INSC: variants seen among roughly 807,000 people sequenced by gnomAD.
INSC encodes INSC spindle orientation adaptor protein, also known as protein inscuteable homolog.
Under a neutral mutation model 58.6 loss-of-function variants are expected in INSC, and 67 were observed. The ratio of observed to expected loss-of-function variants is 1.14; its 90% CI spans 0.94 to 1.40. The LOEUF (loss-of-function observed/expected upper bound fraction) is 1.40, where lower values mean the gene tolerates loss of function less well. INSC is among the 40% of genes most tolerant of loss of function. INSC has a pLI of 0.00. For missense variants in INSC, 714 were observed against 692.0 expected, an observed-to-expected ratio of 1.03 and a Z score of -0.36; for synonymous variants, 262 against 276.1, an observed-to-expected ratio of 0.95 and a Z score of 0.51.
intron 7 of INSC, among the ~76,000 whole-genome samples, chr11:15,201,983 T>C (rs549330244): frequency 6.6e-6 from 1 of 152,278 alleles, no homozygotes; most frequent in South Asian, 2.1e-4. Context: ...TTTTACCCTG[T>C]CTCCTTCCAA....
rs769241700 is a variant in INSC, at chr11:15,178,372, C to T, written c.504C>T (p.Cys168=). 201 of 1,613,734 alleles carry T rather than the reference C, an allele frequency of 1.2e-4. 1 individual carries two copies. Among genetic ancestry groups the T allele is most frequent in the African/African-American group, 2.1e-4 (16 of 74,912 alleles). The change falls in exon 5 of 13, where the codon TGC becomes TGT. Residue 168 remains cysteine (C), a synonymous_variant. Transcript: ENST00000379556. ...NEHVLKSMKA[C]VSETLSMLGQ... ...ATGTCCTGAAGTCAATGAAGGCCTG[C>T]GTGAGTGAGACCCTGAGCATGCTGG...
intron 7 of INSC, among the ~76,000 whole-genome samples, chr11:15,205,617 G>A (rs1001151575): frequency 4.6e-5 from 7 of 152,206 alleles, no homozygotes; most frequent in African/African-American, 1.2e-4. Context: ...GCATGTGGGA[G>A]AGGGGCTGGC....
the INSC span, among the ~76,000 whole-genome samples, chr11:15,269,051 T>C: frequency 6.6e-6 from 1 of 152,086 alleles, no homozygotes; most frequent in African/African-American, 2.4e-5. Context: ...GAATTCCTTA[T>C]GATAAAATAT....
chr11:15,146,996 C>T (rs1848508851), intron 1 of INSC, among the ~76,000 whole-genome samples: 1 of 152,142 alleles, frequency 6.6e-6, no homozygotes, highest in Admixed American at 6.5e-5. Context: ...TAGTATTTTC[C>T]TGTCTCCTCT....
chr11:15,128,002 A>AG, intron 1 of INSC, among the ~76,000 whole-genome samples: 1 of 152,276 alleles, frequency 6.6e-6, no homozygotes, highest in East Asian at 1.9e-4. Context: ...CTCAAAAAAA[A>AG]AAAAGTGAAA....
rs890234217 is a variant in INSC, at chr11:15,197,913, G to A, written c.694-2911G>A. 4.6e-5 allele frequency among the ~76,000 whole-genome samples: 7 copies of A among 152,256 alleles called. No individual in the cohort carries two copies. The South Asian group carries it at 1.0e-3, about 23-fold the overall frequency. ...TGTTATGTGGCTGGGCTCTGAGCCC[G>A]GAGCTTTCTATAAAATTAAACAAGC... On this transcript the variant is annotated intron_variant, in intron 6 of 12. Transcript: ENST00000379556.
intron 7 of INSC, among the ~76,000 whole-genome samples, chr11:15,221,155 T>A (rs1303924339): frequency 1.3e-5 from 2 of 151,870 alleles, no homozygotes; most frequent in Non-Finnish European, 2.9e-5. Flanking sequence ...AAGTGACTGT[T>A]CTTTCTATGA....
intron 10 of INSC, among the ~76,000 whole-genome samples, chr11:15,236,055 CAAAAAAA>C (rs66649068): frequency 1.0e-3 from 101 of 99,026 alleles, no homozygotes; most frequent in African/African-American, 3.4e-3. Flanking sequence ...GACTCTGTCT[CAAAAAAA>C]AAAAAAAAAA....
intron 6 of INSC, among the ~76,000 whole-genome samples, chr11:15,198,390 T>C (rs1850448757): frequency 6.6e-6 from 1 of 152,290 alleles, no homozygotes; most frequent in Admixed American, 6.5e-5. Context: ...TTTCACAGGC[T>C]TGAGAGAGAT....
intron 2 of INSC, among the ~76,000 whole-genome samples, chr11:15,159,290 T>C (rs1256611613): frequency 6.6e-6 from 1 of 152,164 alleles, no homozygotes; most frequent in Admixed American, 6.5e-5. Context: ...GACTGGCTCT[T>C]GGAAACCCTC....
chr11:15,232,166 G>C (rs77422444), intron 9 of INSC, among the ~76,000 whole-genome samples: 2,303 of 152,294 alleles, frequency 0.015, 67 homozygotes, highest in African/African-American at 0.053. Flanking sequence ...CTGTTCTTCT[G>C]ATGGGAAGGG....
intron 7 of INSC, among the ~76,000 whole-genome samples, chr11:15,208,048 T>G (rs957493129): frequency 9.9e-5 from 15 of 152,190 alleles, no homozygotes; most frequent in Non-Finnish European, 7.3e-5. Context: ...ACTACTTTCT[T>G]GCTAGAGTTG....
the INSC span, among the ~76,000 whole-genome samples, chr11:15,267,733 A>T: frequency 4.4e-4 from 67 of 152,030 alleles, no homozygotes; most frequent in South Asian, 1.5e-3. Context: ...TGCCATTTTC[A>T]GATCTGTTTC....
At chr11:15,175,104 G>GA (rs1237202150) in intron 2 of INSC, among the ~76,000 whole-genome samples, 1 of 151,930 alleles carries the variant, frequency 6.6e-6, no homozygotes, top group Non-Finnish European at 1.5e-5. Context: ...GAGAAAAGCT[G>GA]AAAAAAATGA....
chr11:15,207,046 AT>A (rs767602673), intron 7 of INSC, among the ~76,000 whole-genome samples: 64 of 152,102 alleles, frequency 4.2e-4, no homozygotes, highest in Non-Finnish European at 7.6e-4. Flanking sequence ...TCAGGGATTG[AT>A]TGTGGTTGGA....
rs137884314 is a variant in INSC, at chr11:15,155,631, C to T, written c.56+6401C>T. On this transcript the variant is annotated intron_variant, in intron 2 of 12. Transcript: ENST00000379556. Reference sequence around the variant, plus strand: ...GGTGCTTAGTACGTTTTGGAGGTCACTTCCAAGTGTTTCAGGTATAGTAAA... The same window carrying T: ...GGTGCTTAGTACGTTTTGGAGGTCATTTCCAAGTGTTTCAGGTATAGTAAA... Among the ~76,000 whole-genome samples, 23 of 152,322 alleles carry T rather than the reference C, an allele frequency of 1.5e-4. No homozygotes were observed. In the East Asian group the frequency reaches 2.9e-3, roughly 19 times the overall value.
At chr11:15,206,413 A>ACC (rs1361028006) in intron 7 of INSC, among the ~76,000 whole-genome samples, 5 of 152,172 alleles carry the variant, frequency 3.3e-5, no homozygotes, top group Admixed American at 1.3e-4. Context: ...GCAGGGAGCC[A>ACC]CCCAATGGGG....
intron 1 of INSC, among the ~76,000 whole-genome samples, chr11:15,123,806 T>C (rs1177057962): frequency 2.0e-5 from 3 of 152,242 alleles, no homozygotes; most frequent in African/African-American, 7.2e-5. Flanking sequence ...ACTTGGCTCC[T>C]TGGGGACTTG....
Position 15,225,639 on chromosome 11 carries a change from T to A in INSC, c.992-11T>A. On this transcript the variant is annotated splice_polypyrimidine_tract_variant and intron_variant, in intron 8 of 12. Coordinates refer to ENST00000379556, the MANE Select transcript of INSC (RefSeq NM_001042536.3). Reference sequence around the variant, plus strand: ...GGCACGGAAGTTATTTTCTTTCTCTTTGCCATCCAGAACTGTGCCAAGAGG... The same window carrying A: ...GGCACGGAAGTTATTTTCTTTCTCTATGCCATCCAGAACTGTGCCAAGAGG... 1 of 1,607,572 alleles carries A rather than the reference T, an allele frequency of 6.2e-7. No individual in the cohort carries two copies. Among genetic ancestry groups the A allele is most frequent in the South Asian group, 1.1e-5 (1 of 90,286 alleles).
Sources: gnomAD v4.1 joint callset for allele counts (sites outside exome capture counted in the v4.1 genomes callset) on GRCh38, gnomAD v4.1.1 for gene constraint, MANE v1.5 for transcripts, NCBI Gene and HGNC (gene_info 2026-07-23, HGNC 2026-07-21) for gene names.